Variants in SLC25A30 observed in about 807,000 individuals in gnomAD.
SLC25A30 encodes the protein solute carrier family 25 member 30.
SLC25A30 carries 29 observed loss-of-function variants against 42.7 expected under a neutral mutation model. The ratio of observed to expected loss-of-function variants is 0.68; its 90% CI spans 0.51 to 0.93. The LOEUF (loss-of-function observed/expected upper bound fraction) is 0.93, where lower values mean the gene tolerates loss of function less well. Ranked by LOEUF, SLC25A30 falls within the 40% of genes least tolerant of loss-of-function variation. The pLI is 0.00. For missense variants in SLC25A30, 300 were observed against 359.7 expected, an observed-to-expected ratio of 0.83 and a Z score of 1.34; for synonymous variants, 124 against 131.0, an observed-to-expected ratio of 0.95 and a Z score of 0.37.
intron 8 of SLC25A30, chr13:45,397,980 T>TA: frequency 1.0e-6 from 1 of 985,352 alleles, no homozygotes; most frequent in South Asian, 4.7e-5. Flanking sequence ...GCAATAGTGG[T>TA]AGAGATATCA....
chr13:45,432,987 G>A, the SLC25A30 span, among the ~76,000 whole-genome samples: 19 of 145,182 alleles, frequency 1.3e-4, no homozygotes, highest in African/African-American at 2.8e-4. Flanking sequence ...GCAGTGAGCC[G>A]TATCGTGCCA....
the SLC25A30 span, among the ~76,000 whole-genome samples, chr13:45,423,882 A>AAT: frequency 7.6e-5 from 6 of 78,848 alleles, no homozygotes; most frequent in Admixed American, 2.3e-4. Flanking sequence ...AATATATAAA[A>AAT]ATATATATAT....
At chr13:45,423,815 A>ATAAATACATATTTATAT in the SLC25A30 span, among the ~76,000 whole-genome samples, 1 of 55,736 alleles carries the variant, frequency 1.8e-5, no homozygotes, top group Non-Finnish European at 3.2e-5. Context: ...TATATATAAA[A>ATAAATACATATTTATAT]ATATAAATAT....
chr13:45,418,940 CAAAAAAAAAAAAAAAAAAAAA>C (rs1168457204), upstream of SLC25A30, among the ~76,000 whole-genome samples: 22 of 14,908 alleles, frequency 1.5e-3, no homozygotes, highest in African/African-American at 3.1e-3. Context: ...GACTTCGTCT[CAAAAAAAAAAAAAAAAAAAAA>C]AAAAAAAAAA....
rs571287591 is a variant in SLC25A30, at chr13:45,394,102, A to G, written c.*1872T>C. 3.7e-5 allele frequency: 36 copies of G among 985,452 alleles called. No individual in the cohort carries two copies. In the Middle Eastern group the frequency reaches 1.6e-3, roughly 43 times the overall value. The allele number at this position is 985,452 out of a possible 1,614,324, so 61.0% of individuals were successfully genotyped here. A position where few individuals can be genotyped will look rare whatever the true frequency, so the allele number is the denominator to read the frequency against. ...ATCAATGGAATGTTTTGGAAAGAAG[A>G]AAAAATCCTAAGGTGTAGTTTAGAA... On this transcript the variant is annotated 3_prime_UTR_variant, in exon 10 of 10. Coordinates refer to ENST00000519676, the MANE Select transcript of SLC25A30 (RefSeq NM_001010875.4).
At chr13:45,411,661 A>G (rs1014453830) in intron 1 of SLC25A30, 181 bp from the exon 2 acceptor site, 1 of 516,976 alleles carries the variant, frequency 1.9e-6, no homozygotes, top group African/African-American at 1.9e-5. Flanking sequence ...CAAATCAACA[A>G]TTTCCAATCT....
At chr13:45,427,532 C>G in the SLC25A30 span, among the ~76,000 whole-genome samples, 25 of 152,254 alleles carry the variant, frequency 1.6e-4, no homozygotes, top group East Asian at 3.3e-3. Context: ...CCTAAATCAT[C>G]CACGTTTCCC....
At chr13:45,429,927 A>G in the SLC25A30 span, among the ~76,000 whole-genome samples, 1 of 152,084 alleles carries the variant, frequency 6.6e-6, no homozygotes, top group Non-Finnish European at 1.5e-5. Context: ...GAGATCCTGG[A>G]AATATATTGC....
At position 45,394,568 on chromosome 13, in the gene SLC25A30, C is replaced by T. The variant is rs369754474; in HGVS notation, c.*1406G>A. On this transcript the variant is annotated 3_prime_UTR_variant, in exon 10 of 10. Transcript: ENST00000519676. ...AATATGTTCCCTGTCCTGTGGCTGC[C>T]TCCCAGAAGTGGAAGTTCTTGGGGT... 53 of 985,314 alleles carry T rather than the reference C, an allele frequency of 5.4e-5. No homozygotes were observed. In the East Asian group the frequency reaches 2.7e-3, roughly 51 times the overall value. The allele number at this position is 985,314 out of a possible 1,614,324, so 61.0% of individuals were successfully genotyped here.
At chr13:45,414,474 A>G (rs1356843483) in intron 1 of SLC25A30, among the ~76,000 whole-genome samples, 2 of 152,118 alleles carry the variant, frequency 1.3e-5, no homozygotes, top group Admixed American at 6.5e-5. Flanking sequence ...AAACTCAGCC[A>G]GGCATGGTGG....
At chr13:45,398,161 A>G in intron 8 of SLC25A30, 1 of 482,736 alleles carries the variant, frequency 2.1e-6, no homozygotes, top group Non-Finnish European at 2.7e-6. Flanking sequence ...TTGCAGCAAC[A>G]TGGATGGAGC....
At chr13:45,417,854 T>A (rs748306665) in intron 1 of SLC25A30, among the ~76,000 whole-genome samples, 157 of 152,284 alleles carry the variant, frequency 1.0e-3, no homozygotes, top group Non-Finnish European at 2.0e-3. Context: ...CGATTCCGAA[T>A]GTGGTGTGCC....
upstream of SLC25A30, chr13:45,420,293 A>C (rs1329332568): frequency 6.6e-6 from 1 of 152,156 alleles, no homozygotes; most frequent in South Asian, 2.1e-4. Flanking sequence ...CTGTGCTCCA[A>C]CTTGGACTCT....
chr13:45,423,378 T>C (rs1253009558), upstream of SLC25A30, among the ~76,000 whole-genome samples: 1 of 150,282 alleles, frequency 6.7e-6, no homozygotes, highest in African/African-American at 2.5e-5. Flanking sequence ...GTTTATTTAA[T>C]TTTACGTTAC....
At chr13:45,407,651 AT>A (rs1327124646) in intron 3 of SLC25A30, among the ~76,000 whole-genome samples, 1 of 152,126 alleles carries the variant, frequency 6.6e-6, no homozygotes, top group Non-Finnish European at 1.5e-5. Flanking sequence ...ATCTTCCAAG[AT>A]TCTCCATTTA....
chr13:45,408,444 C>T (rs1439725140), intron 3 of SLC25A30, among the ~76,000 whole-genome samples: 2 of 152,250 alleles, frequency 1.3e-5, no homozygotes, highest in East Asian at 1.9e-4. Context: ...AGATGCTTAG[C>T]GTGACATGAG....
At chr13:45,418,819 T>C (rs530487113), upstream of SLC25A30, 1 of 151,766 alleles carries the variant, frequency 6.6e-6, no homozygotes, top group African/African-American at 2.4e-5. Flanking sequence ...GCGGGCGCTA[T>C]AATCCCAGCT....
intron 6 of SLC25A30, among the ~76,000 whole-genome samples, chr13:45,401,822 G>A (rs570762857): frequency 1.3e-5 from 2 of 152,262 alleles, no homozygotes; most frequent in East Asian, 3.9e-4. Context: ...CACTTTGGGA[G>A]GCCGAGGCAG....
chr13:45,421,380 A>C (rs1197683746), upstream of SLC25A30, among the ~76,000 whole-genome samples: 2 of 38,888 alleles, frequency 5.1e-5, no homozygotes, highest in Non-Finnish European at 6.9e-5. Flanking sequence ...CTCCATCTCC[A>C]AAAAAAAAAA....
Sources: gnomAD v4.1 joint callset for allele counts (sites outside exome capture counted in the v4.1 genomes callset) on GRCh38, gnomAD v4.1.1 for gene constraint, MANE v1.5 for transcripts, NCBI Gene and HGNC (gene_info 2026-07-23, HGNC 2026-07-21) for gene names.